The following GPHN variants were observed in gnomAD, a reference collection of about 807,000 sequenced individuals.
GPHN encodes gephyrin.
In GPHN, 17 loss-of-function variants were observed where a neutral mutation model predicts 95.5. The observed-to-expected ratio is 0.18, with a 90% CI of 0.12 to 0.27. GPHN has a LOEUF of 0.27. GPHN is among the 10% of genes least tolerant of loss of function. The pLI is 1.00. For missense variants in GPHN, 660 were observed against 978.1 expected (o/e 0.67, Z 4.34); for synonymous variants, 320 against 322.5 (o/e 0.99, Z 0.08).
intron 1 of GPHN, among the ~76,000 whole-genome samples, chr14:66,543,595 A>G (rs2059428721): frequency 6.6e-6 from 1 of 152,160 alleles, no homozygotes; most frequent in East Asian, 1.9e-4. Flanking sequence ...TAGTGACTTA[A>G]TTAATATATT....
the GPHN span, chr14:67,678,252 G>A: frequency 1.2e-5 from 13 of 1,041,212 alleles, no homozygotes; most frequent in Non-Finnish European, 1.8e-5. Flanking sequence ...CCTTGAAGGA[G>A]AATCATTTTG....
chr14:67,564,136 C>T, the GPHN span, among the ~76,000 whole-genome samples: 1 of 151,418 alleles, frequency 6.6e-6, no homozygotes, highest in Non-Finnish European at 1.5e-5. Context: ...CTCCTGACCT[C>T]GTGATCCGCC....
At chr14:67,502,558 T>C in the GPHN span, among the ~76,000 whole-genome samples, 1 of 149,068 alleles carries the variant, frequency 6.7e-6, no homozygotes, top group African/African-American at 2.5e-5. Context: ...ATTCAAGCAA[T>C]TCTCCTGCCT....
Position 66,808,654 on chromosome 14 carries a change from G to A in GPHN, c.202-15820G>A, listed in dbSNP as rs376472512. On this transcript the variant is annotated intron_variant, in intron 3 of 22. Transcript: ENST00000478722. ...TCTAATAAAAATACAAAAATTAGCC[G>A]TGCGTGGTGGCCTGTGCCTGTAATT... Among the ~76,000 whole-genome samples, 132 of 152,224 alleles carry A rather than the reference G, an allele frequency of 8.7e-4. 4 individuals carry two copies. The South Asian group carries it at 0.026, about 30-fold the overall frequency.
chr14:67,572,304 G>T, the GPHN span: 12 of 1,563,552 alleles, frequency 7.7e-6, 1 homozygote, highest in Admixed American at 2.0e-4. Context: ...GCGGGGGCAG[G>T]GTGGAAGCAG....
At chr14:67,500,561 A>G in the GPHN span, among the ~76,000 whole-genome samples, 1 of 149,758 alleles carries the variant, frequency 6.7e-6, no homozygotes, top group Non-Finnish European at 1.5e-5. Flanking sequence ...ATGATTTTCC[A>G]TGTGCATTTG....
At chr14:67,359,874 C>T in the GPHN span, 4 of 698,844 alleles carry the variant, frequency 5.7e-6, no homozygotes, top group Non-Finnish European at 9.6e-6. Flanking sequence ...CCGGTTGTCA[C>T]AGGCGACGAA....
At chr14:66,942,090 C>A (rs1288761929) in intron 8 of GPHN, among the ~76,000 whole-genome samples, 2 of 152,180 alleles carry the variant, frequency 1.3e-5, no homozygotes, top group Admixed American at 1.3e-4. Context: ...TGGCTCACTG[C>A]AACCTCCACC....
chr14:66,796,306 C>G (rs8008606), intron 3 of GPHN, among the ~76,000 whole-genome samples: 1,585 of 151,840 alleles, frequency 0.01, 21 homozygotes, highest in African/African-American at 0.035. Flanking sequence ...AATATCTATT[C>G]AATATATTGT....
At chr14:67,321,576 G>C in the GPHN span, among the ~76,000 whole-genome samples, 1 of 152,194 alleles carries the variant, frequency 6.6e-6, no homozygotes, top group Non-Finnish European at 1.5e-5. Flanking sequence ...CTTGAGGATA[G>C]ACCCAAGTCT....
In GPHN at chr14:66,902,944, A is replaced by G. The variant is rs113499257; in HGVS notation, c.390-13059A>G. The stretch of plus-strand genomic sequence containing the variant: ...TTGATTAGAATTGCTATTATTTCCA[A>G]ACTACCATCAGAGATACTATAAATA... On this transcript the variant is annotated intron_variant, in intron 5 of 22. Coordinates refer to ENST00000478722, the MANE Select transcript of GPHN (RefSeq NM_020806.5). Among the ~76,000 whole-genome samples the G allele has an allele frequency of 3.1e-3, 469 of 152,194 alleles. 10 individuals carry two copies. The highest frequency in any genetic ancestry group is 0.011 in the African/African-American group (444 of 41,548).
At chr14:66,772,508 G>A (rs997406815) in intron 2 of GPHN, among the ~76,000 whole-genome samples, 1 of 152,198 alleles carries the variant, frequency 6.6e-6, no homozygotes, top group African/African-American at 2.4e-5. Flanking sequence ...AATCACATGA[G>A]CCTTAAAAGC....
the GPHN span, among the ~76,000 whole-genome samples, chr14:67,577,069 T>G: frequency 6.6e-6 from 1 of 152,228 alleles, no homozygotes; most frequent in African/African-American, 2.4e-5. Context: ...CCCACAACCT[T>G]GCACACTCAC....
At chr14:67,483,450 T>C in the GPHN span, among the ~76,000 whole-genome samples, 1 of 152,284 alleles carries the variant, frequency 6.6e-6, no homozygotes, top group African/African-American at 2.4e-5. Context: ...ACTACCATTT[T>C]CTGAGTTCCT....
chr14:66,589,812 A>C (rs2061567742), intron 1 of GPHN, among the ~76,000 whole-genome samples: 1 of 152,196 alleles, frequency 6.6e-6, no homozygotes, highest in Non-Finnish European at 1.5e-5. Context: ...ATTTGAACTC[A>C]GCTCTGGACC....
chr14:66,543,373 C>A (rs1189356179), intron 1 of GPHN, among the ~76,000 whole-genome samples: 2 of 152,070 alleles, frequency 1.3e-5, no homozygotes, highest in African/African-American at 4.8e-5. Flanking sequence ...GTTGATCATT[C>A]CTTCTTATAC....
intron 1 of GPHN, among the ~76,000 whole-genome samples, chr14:66,533,125 T>TC (rs1295827800): frequency 1.3e-5 from 2 of 152,240 alleles, no homozygotes; most frequent in Non-Finnish European, 2.9e-5. Flanking sequence ...AATGTTTTTT[T>TC]CCCCATTACA....
intron 18 of GPHN, among the ~76,000 whole-genome samples, chr14:67,153,615 C>T (rs1157847903): frequency 2.0e-5 from 3 of 152,182 alleles, no homozygotes; most frequent in Non-Finnish European, 2.9e-5. Context: ...TGCATTTACT[C>T]TCAGTTTTAT....
chr14:67,676,595 G>A, the GPHN span, among the ~76,000 whole-genome samples: 1 of 152,068 alleles, frequency 6.6e-6, no homozygotes, highest in Non-Finnish European at 1.5e-5. Context: ...AAAATGGCCC[G>A]GGATGATCAA....
Sources: allele counts gnomAD v4.1 joint callset (sites outside exome capture counted in the v4.1 genomes callset), GRCh38; gene constraint gnomAD v4.1.1; transcripts MANE v1.5; gene names NCBI Gene and HGNC (gene_info 2026-07-23, HGNC 2026-07-21).